CMIP: variants seen among roughly 807,000 people sequenced by gnomAD.
CMIP encodes the protein c-Maf inducing protein.
In CMIP, 13 loss-of-function variants were observed where a neutral mutation model predicts 97.3. That is an observed-to-expected ratio of 0.13 (90% CI 0.09 to 0.21). The LOEUF (loss-of-function observed/expected upper bound fraction) is 0.21. Ranked by LOEUF, CMIP falls within the 10% of genes least tolerant of loss-of-function variation. The pLI is 1.00. For missense variants in CMIP, 847 were observed against 1,024.9 expected (o/e 0.83, Z 2.37); for synonymous variants, 538 against 436.3 (o/e 1.23, Z -2.91).
At position 81,623,143 on chromosome 16, in the gene CMIP, G is replaced by C. The variant is rs980005192; in HGVS notation, c.477+2217G>C. The stretch of plus-strand genomic sequence containing the variant: ...CACTTGAGCCCAGGAGATGGAGGTT[G>C]TAGTGAGCCAAGATTGGTCCACTGC... On this transcript the variant is annotated intron_variant, in intron 3 of 20. Transcript: ENST00000537098. 1.1e-4 allele frequency among the ~76,000 whole-genome samples: 16 copies of C among 152,290 alleles called. 1 individual carries two copies. Among genetic ancestry groups the C allele is most frequent in the African/African-American group, 3.4e-4 (14 of 41,552 alleles).
At chr16:81,572,291 C>T (rs532434646) in intron 1 of CMIP, among the ~76,000 whole-genome samples, 23 of 152,356 alleles carry the variant, frequency 1.5e-4, no homozygotes, top group African/African-American at 5.5e-4. Context: ...TTGGCCTGGA[C>T]ATCCTCTGAG....
chr16:81,654,593 A>G (rs1246430242), intron 4 of CMIP, among the ~76,000 whole-genome samples: 1 of 152,236 alleles, frequency 6.6e-6, no homozygotes, highest in African/African-American at 2.4e-5. Context: ...ACTCCAGCCC[A>G]GGCTGCCTGA....
intron 1 of CMIP, among the ~76,000 whole-genome samples, chr16:81,502,827 G>GT (rs750694884): frequency 1.3e-5 from 2 of 152,224 alleles, no homozygotes; most frequent in Non-Finnish European, 2.9e-5. Context: ...TATGTGACCA[G>GT]TATTTAGAAA....
At chr16:81,491,315 A>G (rs994070008) in intron 1 of CMIP, among the ~76,000 whole-genome samples, 2 of 152,008 alleles carry the variant, frequency 1.3e-5, no homozygotes. Context: ...CTGTCACCGC[A>G]TGGCTGTGTG....
chr16:81,609,551 G>C (rs553391161), intron 2 of CMIP, among the ~76,000 whole-genome samples: 14 of 152,386 alleles, frequency 9.2e-5, no homozygotes, highest in African/African-American at 2.9e-4. Flanking sequence ...TGGGGAGACA[G>C]AGCCATAAAC....
intron 7 of CMIP, among the ~76,000 whole-genome samples, chr16:81,668,109 C>G (rs1399627118): frequency 6.6e-6 from 1 of 152,108 alleles, no homozygotes; most frequent in Non-Finnish European, 1.5e-5. Flanking sequence ...AGGGGGGTCT[C>G]TATTTCTGTT....
intron 1 of CMIP, among the ~76,000 whole-genome samples, chr16:81,566,091 G>A (rs1040202749): frequency 1.3e-5 from 2 of 152,236 alleles, no homozygotes; most frequent in Non-Finnish European, 2.9e-5. Flanking sequence ...TCGTGTGTTT[G>A]GACAAGCGAG....
In CMIP at chr16:81,710,935, GCCCCATGCATGCCCGC is replaced by G. The variant is rs1284813529; in HGVS notation, c.*1138_*1153del. On this transcript the variant is annotated 3_prime_UTR_variant, in exon 21 of 21. Coordinates refer to ENST00000537098, the MANE Select transcript of CMIP (RefSeq NM_198390.3). ...CCCCTGCCATCGTGTGCTTCACGTG[GCCCCATGCATGCCCGC>G]CTCTCTGCATGGTCTCTTGGGAAAA... 2.6e-5 allele frequency: 4 copies of G among 151,952 alleles called. No individual in the cohort carries two copies. The highest frequency in any genetic ancestry group is 5.9e-5 in the Non-Finnish European group (4 of 68,020). The allele number at this position is 151,952 out of a possible 1,614,324, so 9.4% of individuals were successfully genotyped here.
At chr16:81,690,300 T>C (rs1905910429) in intron 10 of CMIP, among the ~76,000 whole-genome samples, 1 of 152,258 alleles carries the variant, frequency 6.6e-6, no homozygotes, top group African/African-American at 2.4e-5. Flanking sequence ...TGGAATGTTC[T>C]TCCATTTCTT....
chr16:81,477,489 G>C (rs1907999457), intron 1 of CMIP, among the ~76,000 whole-genome samples: 1 of 152,228 alleles, frequency 6.6e-6, no homozygotes, highest in Non-Finnish European at 1.5e-5. Flanking sequence ...ATACAGGGCA[G>C]GGTATGGACT....
chr16:81,516,272 C>G (rs758311610), intron 1 of CMIP, among the ~76,000 whole-genome samples: 4 of 152,196 alleles, frequency 2.6e-5, no homozygotes, highest in Non-Finnish European at 5.9e-5. Context: ...TTTTCTCACT[C>G]TTGATTCCTC....
chr16:81,662,282 A>G (rs2092555741), intron 6 of CMIP, among the ~76,000 whole-genome samples: 1 of 152,170 alleles, frequency 6.6e-6, no homozygotes, highest in African/African-American at 2.4e-5. Context: ...AGAACACTGG[A>G]TATTTGTTGT....
At chr16:81,560,342 C>T (rs2090857134) in intron 1 of CMIP, among the ~76,000 whole-genome samples, 1 of 151,554 alleles carries the variant, frequency 6.6e-6, no homozygotes, top group South Asian at 2.1e-4. Flanking sequence ...CCTCAGCCTC[C>T]CCAGTAGCTG....
At chr16:81,626,803 GT>G in intron 3 of CMIP, among the ~76,000 whole-genome samples, 1 of 139,248 alleles carries the variant, frequency 7.2e-6, no homozygotes, top group Non-Finnish European at 1.6e-5. Flanking sequence ...GTGTGTGTGT[GT>G]GTGTGTGTGT....
At chr16:81,490,407 C>G (rs1390505106) in intron 1 of CMIP, among the ~76,000 whole-genome samples, 2 of 152,114 alleles carry the variant, frequency 1.3e-5, no homozygotes, top group African/African-American at 4.8e-5. Context: ...ATTGCTTGAG[C>G]TCAGGAGTTC....
intron 1 of CMIP, chr16:81,476,213 C>T (rs145307153): frequency 0.031 from 41,634 of 1,364,174 alleles, 754 homozygotes; most frequent in Non-Finnish European, 0.035. Context: ...TTGGGTCCAG[C>T]ATTTGCCATG....
intron 1 of CMIP, among the ~76,000 whole-genome samples, chr16:81,510,476 T>C (rs1353761484): frequency 6.6e-6 from 1 of 152,210 alleles, no homozygotes; most frequent in Non-Finnish European, 1.5e-5. Context: ...AACACTATTG[T>C]TAGTAGCCCT....
rs370986846 is a variant in CMIP at position 81,606,375 on chromosome 16, T to C, written c.301-1192T>C. Among the ~76,000 whole-genome samples, 6 of 152,322 alleles carry C rather than the reference T, an allele frequency of 3.9e-5. No individual in the cohort carries two copies. The South Asian group carries it at 1.2e-3, about 32-fold the overall frequency. On this transcript the variant is annotated intron_variant, in intron 1 of 20. Transcript: ENST00000537098. The stretch of plus-strand genomic sequence containing the variant: ...AGAGCCAGGGAGGTGTTCGCTGTTA[T>C]TCTTCTCAGCTGTGCTGCACTCACC...
chr16:81,496,276 A>G (rs142758090), intron 1 of CMIP, among the ~76,000 whole-genome samples: 490 of 152,274 alleles, frequency 3.2e-3, no homozygotes, highest in African/African-American at 0.011. Flanking sequence ...TATTAAATCA[A>G]TATTTGTCGT....
Sources: gnomAD v4.1 joint callset for allele counts (sites outside exome capture counted in the v4.1 genomes callset) on GRCh38, gnomAD v4.1.1 for gene constraint, MANE v1.5 for transcripts, NCBI Gene and HGNC (gene_info 2026-07-23, HGNC 2026-07-21) for gene names.